NPAS3: variants seen among roughly 807,000 people sequenced by gnomAD.
The protein encoded by NPAS3 is neuronal PAS domain-containing protein 3.
NPAS3 carries 14 observed loss-of-function variants against 73.1 expected under a neutral mutation model. That is an observed-to-expected ratio of 0.19 (90% CI 0.13 to 0.30). NPAS3 has a LOEUF of 0.30. Ranked by LOEUF, NPAS3 falls within the 10% of genes least tolerant of loss-of-function variation. The pLI is 1.00. For missense variants in NPAS3, 1,096 were observed against 1,250.0 expected, an observed-to-expected ratio of 0.88 and a Z score of 1.86; for synonymous variants, 620 against 541.5, an observed-to-expected ratio of 1.14 and a Z score of -2.01.
At chr14:33,292,615 T>G (rs951840368) in intron 3 of NPAS3, among the ~76,000 whole-genome samples, 4 of 152,140 alleles carry the variant, frequency 2.6e-5, no homozygotes, top group Non-Finnish European at 4.4e-5. Context: ...AGTTTTTATT[T>G]TTTGTTATTT....
intron 3 of NPAS3, among the ~76,000 whole-genome samples, chr14:33,282,227 C>A (rs2041657075): frequency 6.6e-6 from 1 of 152,126 alleles, no homozygotes; most frequent in African/African-American, 2.4e-5. Context: ...TTGTTGACAC[C>A]AAATATTTTA....
At chr14:33,061,005 A>G (rs2041077219) in intron 2 of NPAS3, among the ~76,000 whole-genome samples, 1 of 152,228 alleles carries the variant, frequency 6.6e-6, no homozygotes, top group African/African-American at 2.4e-5. Context: ...AAAAGAGGGA[A>G]GGAATTAACA....
At chr14:33,188,134 C>T (rs959835044) in intron 2 of NPAS3, among the ~76,000 whole-genome samples, 2 of 152,196 alleles carry the variant, frequency 1.3e-5, no homozygotes, top group East Asian at 1.9e-4. Flanking sequence ...ATCCTAATGT[C>T]GCTGTGAGGA....
At chr14:33,663,117 G>A (rs991048098) in intron 5 of NPAS3, among the ~76,000 whole-genome samples, 4 of 151,848 alleles carry the variant, frequency 2.6e-5, no homozygotes, top group Admixed American at 1.3e-4. Flanking sequence ...ATACTATGTT[G>A]AATAGGAGAG....
At chr14:33,790,655 A>C (rs2063331078) in intron 9 of NPAS3, among the ~76,000 whole-genome samples, 1 of 152,070 alleles carries the variant, frequency 6.6e-6, no homozygotes, top group South Asian at 2.1e-4. Context: ...TAAAGAAGCT[A>C]AATTCCATTA....
intron 2 of NPAS3, among the ~76,000 whole-genome samples, chr14:33,144,644 C>T (rs561489120): frequency 2.6e-5 from 4 of 152,246 alleles, no homozygotes; most frequent in South Asian, 4.1e-4. Context: ...TGGGATCAAG[C>T]GATCCTCCTG....
At position 33,473,522 on chromosome 14, in the gene NPAS3, C is replaced by T. The variant is rs114755818; in HGVS notation, c.469-86599C>T. ...CTACTGAATATTTATTGAGTACTTA[C>T]TAAGTGTCATGCATGTAAGTACTAG... On this transcript the variant is annotated intron_variant, in intron 4 of 11. Coordinates refer to ENST00000356141, the Ensembl canonical transcript of NPAS3. Among the ~76,000 whole-genome samples, 288 of 152,214 alleles carry T rather than the reference C, an allele frequency of 1.9e-3. 1 individual carries two copies. The highest frequency in any genetic ancestry group is 6.6e-3 in the African/African-American group (274 of 41,556).
chr14:33,196,537 C>T (rs552674863), intron 2 of NPAS3, among the ~76,000 whole-genome samples: 1 of 152,278 alleles, frequency 6.6e-6, no homozygotes, highest in South Asian at 2.1e-4. Context: ...GCCTTGAAAA[C>T]GCATAGATGG....
intron 4 of NPAS3, among the ~76,000 whole-genome samples, chr14:33,501,148 T>C (rs1316185576): frequency 6.6e-6 from 1 of 151,876 alleles, no homozygotes; most frequent in Non-Finnish European, 1.5e-5. Flanking sequence ...TAAATTAGAG[T>C]GTGTGTGCTA....
chr14:33,441,420 A>G (rs959728379), intron 4 of NPAS3, among the ~76,000 whole-genome samples: 4 of 152,228 alleles, frequency 2.6e-5, no homozygotes, highest in Non-Finnish European at 5.9e-5. Context: ...GAGTGCAGAT[A>G]AAATTTCAGA....
intron 1 of NPAS3, among the ~76,000 whole-genome samples, chr14:32,984,310 A>G (rs1008364016): frequency 2.0e-5 from 3 of 152,224 alleles, no homozygotes; most frequent in Non-Finnish European, 2.9e-5. Context: ...TCTTCCACTT[A>G]GATTGGAGCA....
intron 5 of NPAS3, among the ~76,000 whole-genome samples, chr14:33,670,029 C>A (rs570981257): frequency 8.5e-5 from 13 of 152,180 alleles, no homozygotes; most frequent in Non-Finnish European, 1.9e-4. Context: ...GATTCTCCTG[C>A]CTCAGCCTCC....
At chr14:33,371,646 T>A (rs977428783) in intron 4 of NPAS3, among the ~76,000 whole-genome samples, 5 of 152,204 alleles carry the variant, frequency 3.3e-5, no homozygotes, top group African/African-American at 1.2e-4. Context: ...GTATTTTGAT[T>A]ACATCTAAAA....
intron 6 of NPAS3, among the ~76,000 whole-genome samples, chr14:33,723,290 T>C (rs144496281): frequency 6.6e-6 from 1 of 152,292 alleles, no homozygotes; most frequent in East Asian, 1.9e-4. Flanking sequence ...TGCAAAACCC[T>C]TCCTCTGTGT....
At chr14:33,290,720 C>A (rs1413080318) in intron 3 of NPAS3, among the ~76,000 whole-genome samples, 1 of 152,190 alleles carries the variant, frequency 6.6e-6, no homozygotes, top group Non-Finnish European at 1.5e-5. Context: ...AGGTGGTTTG[C>A]TTTCTTCCAT....
intron 6 of NPAS3, among the ~76,000 whole-genome samples, chr14:33,679,738 C>A (rs1280626715): frequency 2.6e-5 from 4 of 152,122 alleles, no homozygotes; most frequent in African/African-American, 9.7e-5. Flanking sequence ...ACTAAGCCAG[C>A]CTAAGAGGCA....
At chr14:32,942,997 T>G (rs1336061973) in intron 1 of NPAS3, among the ~76,000 whole-genome samples, 1 of 152,012 alleles carries the variant, frequency 6.6e-6, no homozygotes, top group African/African-American at 2.4e-5. Flanking sequence ...GAGCCAGGAG[T>G]TATAATGACC....
At chr14:33,317,119 A>T (rs2043237387) in intron 3 of NPAS3, among the ~76,000 whole-genome samples, 1 of 152,116 alleles carries the variant, frequency 6.6e-6, no homozygotes, top group Admixed American at 6.6e-5. Flanking sequence ...AAAAGAAAAC[A>T]TAATAATGGG....
intron 6 of NPAS3, among the ~76,000 whole-genome samples, chr14:33,716,694 G>C (rs529012376): frequency 6.6e-6 from 1 of 152,146 alleles, no homozygotes; most frequent in African/African-American, 2.4e-5. Flanking sequence ...GCCTGTTCTA[G>C]ATATGTCATA....
Sources: allele counts gnomAD v4.1 joint callset (sites outside exome capture counted in the v4.1 genomes callset), GRCh38; gene constraint gnomAD v4.1.1; transcripts MANE v1.5; gene names NCBI Gene and HGNC (gene_info 2026-07-23, HGNC 2026-07-21).